NRXN3: variants seen among roughly 807,000 people sequenced by gnomAD.
NRXN3 encodes the protein neurexin III.
Under a neutral mutation model 137.6 loss-of-function variants are expected in NRXN3, and 32 were observed. The ratio of observed to expected loss-of-function variants is 0.23; its 90% CI spans 0.18 to 0.31. The LOEUF (loss-of-function observed/expected upper bound fraction) is 0.31. Ranked by LOEUF, NRXN3 falls within the 10% of genes least tolerant of loss-of-function variation. NRXN3 has a pLI of 1.00. For synonymous variants in NRXN3, 798 were observed against 784.5 expected (o/e 1.02, Z -0.29); for missense variants, 1,574 against 2,062.5 (o/e 0.76, Z 4.59).
intron 16 of NRXN3, among the ~76,000 whole-genome samples, chr14:79,584,090 C>T (rs2097744420): frequency 1.7e-5 from 2 of 120,594 alleles, no homozygotes; most frequent in South Asian, 2.8e-4. Flanking sequence ...CTGGCTATTA[C>T]TAGGATAATT....
intron 6 of NRXN3, among the ~76,000 whole-genome samples, chr14:78,692,091 G>A (rs2152773462): frequency 6.6e-6 from 1 of 152,186 alleles, no homozygotes; most frequent in East Asian, 1.9e-4. Context: ...AGGTAGAAAC[G>A]CTTTACTATC....
chr14:79,068,050 A>AT (rs758230943), intron 15 of NRXN3, among the ~76,000 whole-genome samples: 93 of 151,992 alleles, frequency 6.1e-4, no homozygotes, highest in Non-Finnish European at 1.0e-3. Flanking sequence ...TTCTAGATAT[A>AT]TTTTTTCCCC....
intron 4 of NRXN3, among the ~76,000 whole-genome samples, chr14:78,596,665 C>T (rs2097160225): frequency 6.6e-6 from 1 of 152,042 alleles, no homozygotes; most frequent in Non-Finnish European, 1.5e-5. Context: ...TAAGGGACCT[C>T]AAGAGGTCAT....
At position 79,865,821 on chromosome 14, in the gene NRXN3, TAAGG is replaced by T. The variant is rs2099417896; in HGVS notation, c.*3862_*3865del. On this transcript the variant is annotated 3_prime_UTR_variant, in exon 21 of 21. Transcript: ENST00000335750. ...TTTAATTTATTTTTTATTTTTTTAG[TAAGG>T]AAGGGTTTCACCATGTTGGCAAGGC... 2 of 152,200 alleles carry T rather than the reference TAAGG, an allele frequency of 1.3e-5. No individual in the cohort carries two copies. The highest frequency in any genetic ancestry group is 2.9e-5 in the Non-Finnish European group (2 of 68,018). The allele number at this position is 152,200 out of a possible 1,614,324, so 9.4% of individuals were successfully genotyped here. A position where few individuals can be genotyped will look rare whatever the true frequency, so the allele number is the denominator to read the frequency against.
intron 19 of NRXN3, among the ~76,000 whole-genome samples, chr14:79,747,466 G>A (rs1385528518): frequency 6.6e-6 from 1 of 152,068 alleles, no homozygotes; most frequent in Non-Finnish European, 1.5e-5. Flanking sequence ...CCTGAACTCA[G>A]GAAATATGGC....
At chr14:79,113,949 A>T (rs906242136) in intron 15 of NRXN3, among the ~76,000 whole-genome samples, 4 of 152,070 alleles carry the variant, frequency 2.6e-5, no homozygotes, top group African/African-American at 9.7e-5. Flanking sequence ...AGTCTGGGGG[A>T]TCACAAATCA....
chr14:78,533,324 G>T (rs898476875), intron 4 of NRXN3, among the ~76,000 whole-genome samples: 6 of 151,868 alleles, frequency 4.0e-5, no homozygotes, highest in African/African-American at 1.5e-4. Context: ...GACCTCAGGT[G>T]ATCCGCCCGC....
intron 10 of NRXN3, among the ~76,000 whole-genome samples, chr14:78,941,911 A>G (rs1032625994): frequency 2.6e-5 from 4 of 152,216 alleles, no homozygotes; most frequent in Non-Finnish European, 5.9e-5. Context: ...TTTAAAAAGC[A>G]CCACCATCAG....
intron 2 of NRXN3, among the ~76,000 whole-genome samples, chr14:78,271,324 A>G (rs1449206115): frequency 6.6e-6 from 1 of 152,226 alleles, no homozygotes; most frequent in Non-Finnish European, 1.5e-5. Flanking sequence ...CTTCTGGCAG[A>G]ACTGGCTTTA....
chr14:79,170,732 C>T (rs1327420702), intron 15 of NRXN3, among the ~76,000 whole-genome samples: 1 of 152,010 alleles, frequency 6.6e-6, no homozygotes, highest in Non-Finnish European at 1.5e-5. Flanking sequence ...CAGAATCTAG[C>T]TATTTTAGTG....
chr14:79,195,039 G>A (rs2064964088), intron 15 of NRXN3, among the ~76,000 whole-genome samples: 1 of 151,896 alleles, frequency 6.6e-6, no homozygotes, highest in Non-Finnish European at 1.5e-5. Flanking sequence ...TCAAGAGTTA[G>A]TCATGGATGG....
chr14:78,300,650 C>T, intron 4 of NRXN3: 2 of 1,526,646 alleles, frequency 1.3e-6, no homozygotes, highest in Non-Finnish European at 1.8e-6. Flanking sequence ...ACCATGCTTC[C>T]TCTACTTAAT....
At chr14:79,134,153 A>G (rs2057969402) in intron 15 of NRXN3, among the ~76,000 whole-genome samples, 1 of 152,118 alleles carries the variant, frequency 6.6e-6, no homozygotes, top group African/African-American at 2.4e-5. Context: ...GTTAAGTGTA[A>G]GTGGTACCTG....
intron 15 of NRXN3, among the ~76,000 whole-genome samples, chr14:79,110,066 A>G (rs1011495543): frequency 1.3e-5 from 2 of 152,188 alleles, no homozygotes; most frequent in Non-Finnish European, 2.9e-5. Context: ...GTTTGTAGGT[A>G]GATTCAAAGA....
intron 15 of NRXN3, among the ~76,000 whole-genome samples, chr14:79,282,530 C>G (rs564308993): frequency 6.6e-6 from 1 of 151,962 alleles, no homozygotes; most frequent in Non-Finnish European, 1.5e-5. Context: ...AGGGGTTGAG[C>G]CTTGCACAGG....
chr14:79,236,794 A>G (rs1176047507), intron 15 of NRXN3, among the ~76,000 whole-genome samples: 1 of 152,132 alleles, frequency 6.6e-6, no homozygotes, highest in Non-Finnish European at 1.5e-5. Context: ...ACACGCATGT[A>G]GTTCCAGCAG....
At chr14:78,224,060 G>A (rs1427538957) in intron 1 of NRXN3, among the ~76,000 whole-genome samples, 1 of 151,906 alleles carries the variant, frequency 6.6e-6, no homozygotes, top group Non-Finnish European at 1.5e-5. Context: ...TTTCAAAACC[G>A]GGTCCCACAC....
At chr14:79,673,377 A>G (rs754596905) in intron 17 of NRXN3, among the ~76,000 whole-genome samples, 38 of 152,152 alleles carry the variant, frequency 2.5e-4, no homozygotes, top group Non-Finnish European at 4.4e-4. Flanking sequence ...ATAGCACAGC[A>G]TAAGAAGACT....
chr14:79,582,495 A>T (rs371890461), intron 16 of NRXN3, among the ~76,000 whole-genome samples: 18 of 152,174 alleles, frequency 1.2e-4, no homozygotes, highest in African/African-American at 4.3e-4. Context: ...ATCTCAGCTC[A>T]CTGCAATCTC....
Sources: allele counts gnomAD v4.1 joint callset (sites outside exome capture counted in the v4.1 genomes callset), GRCh38; gene constraint gnomAD v4.1.1; transcripts MANE v1.5; gene names NCBI Gene and HGNC (gene_info 2026-07-23, HGNC 2026-07-21).